Variants in DAAM1 observed in about 807,000 individuals in gnomAD.
DAAM1 encodes the protein dishevelled associated activator of morphogenesis 1, also known as disheveled-associated activator of morphogenesis 1.
DAAM1 carries 52 observed loss-of-function variants against 130.0 expected under a neutral mutation model. The observed-to-expected ratio is 0.40, with a 90% CI of 0.32 to 0.50. The LOEUF is 0.50. Among genes scored for constraint, DAAM1 ranks in the 20% least tolerant of loss-of-function variants. The pLI is 0.61. For missense variants in DAAM1, 1,134 were observed against 1,303.8 expected, an observed-to-expected ratio of 0.87 and a Z score of 2.01; for synonymous variants, 452 against 444.5, an observed-to-expected ratio of 1.02 and a Z score of -0.21.
At chr14:59,273,182 G>A (rs2139525966) in intron 2 of DAAM1, among the ~76,000 whole-genome samples, 1 of 152,214 alleles carries the variant, frequency 6.6e-6, no homozygotes, top group East Asian at 1.9e-4. Context: ...ATCCAATAAA[G>A]CTTAAGATAC....
chr14:59,249,463 C>T (rs564261028), intron 1 of DAAM1, among the ~76,000 whole-genome samples: 1 of 152,306 alleles, frequency 6.6e-6, no homozygotes, highest in South Asian at 2.1e-4. Flanking sequence ...TCATTGACTT[C>T]CTTTTCAGCT....
chr14:59,323,036 G>C lies in DAAM1; in HGVS notation c.585G>C (p.Arg195=). ...IKALMNNSQG[R]AHVLAHSESI... ...CGTTAATGAACAACTCTCAAGGCCG[G>C]GCTCACGTCCTGGCTCATTCTGAGA... is the stretch of plus-strand genomic sequence containing the variant. Residue 195 remains arginine, a synonymous_variant, in exon 6 of 25, where the codon CGG becomes CGC. Transcript: ENST00000360909. The C allele has an allele frequency of 6.2e-7, 1 of 1,614,120 alleles. No individual in the cohort carries two copies. The highest frequency in any genetic ancestry group is 8.5e-7 in the Non-Finnish European group (1 of 1,180,004).
chr14:59,271,296 T>C (rs1322757045), intron 2 of DAAM1, among the ~76,000 whole-genome samples: 1 of 151,916 alleles, frequency 6.6e-6, no homozygotes, highest in Non-Finnish European at 1.5e-5. Flanking sequence ...ACCGAGAAAA[T>C]ATAAAAGGAA....
intron 1 of DAAM1, among the ~76,000 whole-genome samples, chr14:59,243,974 G>C (rs1881239867): frequency 6.6e-6 from 1 of 152,106 alleles, no homozygotes; most frequent in Non-Finnish European, 1.5e-5. Flanking sequence ...CTATTTAAGG[G>C]AACATGGAAG....
chr14:59,289,662 A>G (rs1594802463), intron 2 of DAAM1, among the ~76,000 whole-genome samples: 1 of 151,426 alleles, frequency 6.6e-6, no homozygotes, highest in Non-Finnish European at 1.5e-5. Flanking sequence ...TTGTTCTCCC[A>G]AAAAGACATA....
chr14:59,195,435 G>A (rs1342803529), intron 1 of DAAM1, among the ~76,000 whole-genome samples: 2 of 152,052 alleles, frequency 1.3e-5, no homozygotes, highest in Non-Finnish European at 2.9e-5. Flanking sequence ...GAGCCACCGC[G>A]CCTGGCCTCA....
intron 3 of DAAM1, among the ~76,000 whole-genome samples, chr14:59,315,017 T>G (rs1290138768): frequency 6.6e-6 from 1 of 152,224 alleles, no homozygotes; most frequent in East Asian, 1.9e-4. Flanking sequence ...AAATTCTTCT[T>G]GATCCACGCT....
At chr14:59,293,954 C>T (rs923299116) in intron 3 of DAAM1, among the ~76,000 whole-genome samples, 5 of 152,180 alleles carry the variant, frequency 3.3e-5, no homozygotes, top group Non-Finnish European at 7.3e-5. Context: ...GAACATCTCT[C>T]GCCTAGCCTT....
intron 18 of DAAM1, among the ~76,000 whole-genome samples, chr14:59,353,123 C>A (rs1211747201): frequency 6.6e-6 from 1 of 152,206 alleles, no homozygotes; most frequent in Non-Finnish European, 1.5e-5. Flanking sequence ...AATCATGGCA[C>A]TCTTCCCACG....
At chr14:59,243,672 A>G (rs1362255075) in intron 1 of DAAM1, among the ~76,000 whole-genome samples, 1 of 152,198 alleles carries the variant, frequency 6.6e-6, no homozygotes, top group Non-Finnish European at 1.5e-5. Context: ...AGTAAGGGCA[A>G]TCCTAGGGTT....
At chr14:59,230,949 T>C (rs1412900407) in intron 1 of DAAM1, among the ~76,000 whole-genome samples, 1 of 152,194 alleles carries the variant, frequency 6.6e-6, no homozygotes, top group Non-Finnish European at 1.5e-5. Context: ...GTTGCCAGAA[T>C]TAAAAATGTT....
intron 15 of DAAM1, among the ~76,000 whole-genome samples, chr14:59,337,508 G>A (rs538225202): frequency 1.3e-5 from 2 of 152,332 alleles, no homozygotes; most frequent in African/African-American, 4.8e-5. Flanking sequence ...TGTGCAAGCT[G>A]TTGGCCCGAA....
At chr14:59,249,781 C>T (rs1021048350) in intron 1 of DAAM1, among the ~76,000 whole-genome samples, 3 of 152,140 alleles carry the variant, frequency 2.0e-5, no homozygotes, top group African/African-American at 7.2e-5. Flanking sequence ...GGAGCATGTA[C>T]TTGAGAAAAT....
At position 59,188,702 on chromosome 14, in the gene DAAM1, CTG is replaced by C. The variant is rs1391595867; in HGVS notation, c.-102_-101del. The C allele has an allele frequency of 6.5e-6, 1 of 152,884 alleles. No homozygotes were observed. The highest frequency in any genetic ancestry group is 6.5e-5 in the Admixed American group (1 of 15,288). The allele number at this position is 152,884 out of a possible 1,614,324, so 9.5% of individuals were successfully genotyped here. A position where few individuals can be genotyped will look rare whatever the true frequency, so the allele number is the denominator to read the frequency against. ...AACCTACGAGCGGCTGTGAAGGAAA[CTG>C]TTTAACCGGATCCCATTGTACCCAG... On this transcript the variant is annotated 5_prime_UTR_variant, in exon 1 of 25. Coordinates refer to ENST00000360909, the MANE Select transcript of DAAM1 (RefSeq NM_001270520.2).
chr14:59,219,967 A>G (rs1219769145), intron 1 of DAAM1, among the ~76,000 whole-genome samples: 3 of 152,196 alleles, frequency 2.0e-5, no homozygotes, highest in African/African-American at 7.2e-5. Context: ...ATTATGTTTG[A>G]ATTCAAGAGT....
chr14:59,363,481 GGT>G (rs1227106162), intron 22 of DAAM1, 168 bp from the exon 23 acceptor site: 3 of 866,198 alleles, frequency 3.5e-6, no homozygotes, highest in Non-Finnish European at 5.1e-6. Flanking sequence ...GCTTTGGCAT[GGT>G]GGGAGGAAGG....
chr14:59,216,480 G>A (rs1359865345), intron 1 of DAAM1, among the ~76,000 whole-genome samples: 1 of 152,160 alleles, frequency 6.6e-6, no homozygotes, highest in Non-Finnish European at 1.5e-5. Flanking sequence ...CAGCACTTTG[G>A]GAGGCCGAGG....
chr14:59,221,415 A>G (rs931305893), intron 1 of DAAM1, among the ~76,000 whole-genome samples: 6 of 152,358 alleles, frequency 3.9e-5, no homozygotes, highest in South Asian at 2.1e-4. Context: ...AACTGGTCAC[A>G]TGGTCACAGA....
chr14:59,367,224 G>T (rs1289354136), intron 23 of DAAM1, among the ~76,000 whole-genome samples: 1 of 151,904 alleles, frequency 6.6e-6, no homozygotes, highest in Non-Finnish European at 1.5e-5. Flanking sequence ...AGAGACAGAG[G>T]TTGCAGTGAG....
Sources: gnomAD v4.1 joint callset for allele counts (sites outside exome capture counted in the v4.1 genomes callset) on GRCh38, gnomAD v4.1.1 for gene constraint, MANE v1.5 for transcripts, NCBI Gene and HGNC (gene_info 2026-07-23, HGNC 2026-07-21) for gene names.